TUG1: variants seen among roughly 807,000 people sequenced by gnomAD.
TUG1 encodes taurine up-regulated 1.
Position 30,978,136 on chromosome 22 carries a change from CAG to C in TUG1, c.*5663_*5664del, listed in dbSNP as rs545427093. On this transcript the variant is annotated 3_prime_UTR_variant, in exon 3 of 3. Coordinates refer to ENST00000644773, the Ensembl canonical transcript of TUG1. ...TTTACAGCTGACTCAAATTGCCTCA[CAG>C]AATTATTTGATGTAGAAGGCTAGTT... is the stretch of plus-strand genomic sequence containing the variant. 4.6e-5 allele frequency: 7 copies of C among 152,292 alleles called. No homozygotes were observed. The South Asian group carries it at 1.2e-3, about 27-fold the overall frequency. The allele number at this position is 152,292 out of a possible 1,614,324, so 9.4% of individuals were successfully genotyped here. A position where few individuals can be genotyped will look rare whatever the true frequency, so the allele number is the denominator to read the frequency against.
At chr22:30,977,890 A>C (rs2041307312) in exon 3 of TUG1, 1 of 152,248 alleles carries the variant, frequency 6.6e-6, no homozygotes, top group South Asian at 2.1e-4. Context: ...AACTTTTTTG[A>C]AGATATTTTT....
exon 3 of TUG1, chr22:30,977,611 T>C (rs1431646132): frequency 1.3e-5 from 2 of 152,218 alleles, no homozygotes; most frequent in Non-Finnish European, 2.9e-5. Flanking sequence ...AACTTCCTTA[T>C]TGATCTGCTG....
At chr22:30,976,092 T>C (rs931122709) in exon 3 of TUG1, 1 of 151,818 alleles carries the variant, frequency 6.6e-6, no homozygotes, top group Non-Finnish European at 1.5e-5. Context: ...GGCTGAATTC[T>C]TTTTTCTTCA....
Position 30,969,374 on chromosome 22 carries a change from C to T in TUG1, c.18C>T (p.Pro6=), listed in dbSNP as rs575099140. Residue 6 remains proline (P), a synonymous_variant, in exon 1 of 3, where the codon CCC becomes CCT. Transcript: ENST00000644773. ...AAGAAGCCCTGGCGCGCCCTCCCCC[C>T]CTCCCGGGTCTGGTAGGGCGAAGGA... 3.3e-5 allele frequency: 5 copies of T among 152,660 alleles called. No individual in the cohort carries two copies. The South Asian group carries it at 6.2e-4, about 19-fold the overall frequency. The allele number at this position is 152,660 out of a possible 1,614,324, so 9.5% of individuals were successfully genotyped here.
exon 2 of TUG1, chr22:30,973,358 T>C (rs748755403): frequency 6.6e-6 from 1 of 152,180 alleles, no homozygotes; most frequent in Non-Finnish European, 1.5e-5. Context: ...CTGGACCCTG[T>C]TTTTTCTACT....
intron 2 of TUG1, 127 bp from the exon 3 acceptor site, chr22:30,975,043 C>T (rs2041272727): frequency 6.6e-6 from 1 of 152,226 alleles, no homozygotes. Context: ...AAATTTATAG[C>T]AGATGAGTTC....
intron 1 of TUG1, 184 bp from the exon 2 acceptor site, chr22:30,972,671 T>C (rs1200535580): frequency 2.6e-5 from 4 of 152,694 alleles, no homozygotes; most frequent in Non-Finnish European, 4.4e-5. Context: ...ATCAGACTTT[T>C]GTGTTTTCTT....
rs2041254686 is a variant in TUG1 at position 30,973,600 on chromosome 22, T to A, written c.*2694+13T>A. 1 of 152,244 alleles carries A rather than the reference T, an allele frequency of 6.6e-6. No individual in the cohort carries two copies. Among genetic ancestry groups the A allele is most frequent in the Admixed American group, 6.5e-5 (1 of 15,288 alleles). 9.4% of individuals were successfully genotyped at this position (152,244 alleles called of 1,614,324 possible). ...TTGATACATCAAGGTAGAACCTCTA[T>A]GGTAAATCCCTCTGTTTATAATGCA... On this transcript the variant is annotated intron_variant, in intron 2 of 2. Coordinates refer to ENST00000644773, the Ensembl canonical transcript of TUG1.
exon 3 of TUG1, chr22:30,976,109 G>A (rs1332536198): frequency 6.7e-6 from 1 of 149,936 alleles, no homozygotes; most frequent in African/African-American, 2.5e-5. Flanking sequence ...TTCATCACTG[G>A]CATATCTGCC....
chr22:30,970,258 A>T (rs968808252), exon 1 of TUG1: 26 of 152,204 alleles, frequency 1.7e-4, no homozygotes, highest in African/African-American at 6.3e-4. Context: ...TGTGACCCAG[A>T]AGAGTTAAGA....
intron 1 of TUG1, chr22:30,972,579 C>T (rs551982036): frequency 3.3e-5 from 5 of 152,380 alleles, no homozygotes; most frequent in South Asian, 2.1e-4. Context: ...ACCCTGAATC[C>T]GATCAAATTA....
At chr22:30,972,832 T>C (rs1414344757) in intron 1 of TUG1, 23 bp from the exon 2 acceptor site, 1 of 153,494 alleles carries the variant, frequency 6.5e-6, no homozygotes, top group Non-Finnish European at 1.5e-5. Flanking sequence ...TTATTTTACC[T>C]GTTTTGTCCC....
chr22:30,972,811 C>T (rs1343665018), intron 1 of TUG1, 44 bp from the exon 2 acceptor site: 1 of 153,340 alleles, frequency 6.5e-6, no homozygotes, highest in African/African-American at 2.4e-5. Context: ...GTTTGTAATT[C>T]CATGCATTTG....
At chr22:30,977,070 C>T (rs1394816523) in exon 3 of TUG1, 1 of 152,178 alleles carries the variant, frequency 6.6e-6, no homozygotes, top group Admixed American at 6.5e-5. Flanking sequence ...TACTGCCATT[C>T]CCTCTAATCC....
exon 3 of TUG1, chr22:30,976,618 CAT>C (rs1308996190): frequency 1.3e-5 from 2 of 152,138 alleles, no homozygotes; most frequent in African/African-American, 4.8e-5. Flanking sequence ...TTGTAACAGA[CAT>C]AAAGACAACT....
At chr22:30,970,467 G>A (rs1281793244) in exon 1 of TUG1, 3 of 152,156 alleles carry the variant, frequency 2.0e-5, no homozygotes, top group Admixed American at 6.5e-5. Flanking sequence ...GTGCCTGAAG[G>A]GTGGCTGATG....
At chr22:30,977,263 C>G (rs917154686) in exon 3 of TUG1, 7 of 152,154 alleles carry the variant, frequency 4.6e-5, no homozygotes, top group African/African-American at 1.7e-4. Flanking sequence ...TTGAACAGCA[C>G]CATTCAACCA....
chr22:30,975,742 CTT>C (rs1488814901), exon 3 of TUG1: 1 of 152,182 alleles, frequency 6.6e-6, no homozygotes, highest in African/African-American at 2.4e-5. Flanking sequence ...AAGTACATGA[CTT>C]TGAAGTCTTG....
At chr22:30,972,192 C>T (rs1287855152) in intron 1 of TUG1, 2 of 152,206 alleles carry the variant, frequency 1.3e-5, no homozygotes, top group African/African-American at 4.8e-5. Flanking sequence ...TTCTTAATTG[C>T]TATGTGATAA....
Sources: allele counts gnomAD v4.1 joint callset, GRCh38; gene constraint gnomAD v4.1.1; transcripts MANE v1.5; gene names NCBI Gene and HGNC (gene_info 2026-07-23, HGNC 2026-07-21).